The following CDC14A variants were observed in gnomAD, a reference collection of about 807,000 sequenced individuals.
CDC14A encodes dual specificity protein phosphatase CDC14A.
Under a neutral mutation model 74.4 loss-of-function variants are expected in CDC14A, and 53 were observed. The ratio of observed to expected loss-of-function variants is 0.71; its 90% CI spans 0.57 to 0.89. The LOEUF (loss-of-function observed/expected upper bound fraction) is 0.89. Ranked by LOEUF, CDC14A falls within the 40% of genes least tolerant of loss-of-function variation. The pLI, the probability that CDC14A is intolerant of heterozygous loss-of-function variation, is 0.00. For synonymous variants in CDC14A, 247 were observed against 258.4 expected (o/e 0.96, Z 0.43); for missense variants, 646 against 713.7 (o/e 0.91, Z 1.08).
At position 100,352,613 on chromosome 1, in the gene CDC14A, C is replaced by T; in HGVS notation, c.-342C>T. 1 of 1,154,062 alleles carries T rather than the reference C, an allele frequency of 8.7e-7. No individual in the cohort carries two copies. The highest frequency in any genetic ancestry group is 1.1e-6 in the Non-Finnish European group (1 of 935,830). The allele number at this position is 1,154,062 out of a possible 1,614,324, so 71.5% of individuals were successfully genotyped here. ...TCCTCCTCCATGATCACTTTGGAAG[C>T]CGGGGGAAGACTTTGCCCTGCCCTG... On this transcript the variant is annotated 5_prime_UTR_variant, in exon 1 of 16. Transcript: ENST00000336454.
intron 1 of CDC14A, among the ~76,000 whole-genome samples, chr1:100,346,720 GT>G (rs1440073521): frequency 6.6e-6 from 1 of 151,548 alleles, no homozygotes; most frequent in Non-Finnish European, 1.5e-5. Context: ...TTGTTAACTT[GT>G]TTGTTAAGTA....
intron 2 of CDC14A, among the ~76,000 whole-genome samples, chr1:100,361,465 C>T (rs1045188654): frequency 2.0e-5 from 3 of 152,144 alleles, no homozygotes; most frequent in Admixed American, 6.6e-5. Flanking sequence ...GCAAAGAGTA[C>T]ATTTTATGAT....
chr1:100,378,062 A>G (rs1308188008), intron 3 of CDC14A, among the ~76,000 whole-genome samples: 1 of 151,014 alleles, frequency 6.6e-6, no homozygotes, highest in African/African-American at 2.5e-5. Flanking sequence ...ATGTTTCTTA[A>G]ATGTTCTGTG....
intron 5 of CDC14A, among the ~76,000 whole-genome samples, chr1:100,437,254 C>T (rs1664449805): frequency 6.6e-6 from 1 of 152,302 alleles, no homozygotes; most frequent in South Asian, 2.1e-4. Context: ...TCTTTATCTT[C>T]TCTCTTTCTC....
intron 3 of CDC14A, among the ~76,000 whole-genome samples, chr1:100,380,693 G>A (rs57403634): frequency 0.089 from 13,607 of 152,186 alleles, 2,107 homozygotes; most frequent in African/African-American, 0.31. Context: ...AAGGTCTTGG[G>A]TACTTTGCTT....
At position 100,360,152 on chromosome 1, in the gene CDC14A, A is replaced by G. The variant is rs74785242; in HGVS notation, c.140+6300A>G. Among the ~76,000 whole-genome samples, 1,181 of 140,870 alleles carry G rather than the reference A, an allele frequency of 8.4e-3. 16 individuals are homozygous for G. Among genetic ancestry groups the G allele is most frequent in the African/African-American group, 0.03 (1,140 of 37,824 alleles). The allele number at this position is 140,870 out of a possible 152,430, so 92.4% of individuals were successfully genotyped here. A position where few individuals can be genotyped will look rare whatever the true frequency, so the allele number is the denominator to read the frequency against. On this transcript the variant is annotated intron_variant, in intron 2 of 15. Coordinates refer to ENST00000336454, the MANE Select transcript of CDC14A (RefSeq NM_003672.4). The stretch of plus-strand genomic sequence containing the variant: ...GTATTTTTAGTAGAGACGAGGTTTC[A>G]CCATGTTGGCCGGGTGGTCTTGATC...
At chr1:100,414,866 AT>A (rs1458570894) in intron 4 of CDC14A, among the ~76,000 whole-genome samples, 5 of 152,154 alleles carry the variant, frequency 3.3e-5, no homozygotes, top group Non-Finnish European at 5.9e-5. Flanking sequence ...CCTTTCCCCC[AT>A]TAACGTGTCC....
intron 4 of CDC14A, among the ~76,000 whole-genome samples, chr1:100,397,274 A>G (rs1658640199): frequency 6.6e-6 from 1 of 152,194 alleles, no homozygotes; most frequent in Non-Finnish European, 1.5e-5. Context: ...CTAGTAGAGC[A>G]TCTCTTCACC....
At chr1:100,437,022 C>T (rs1238302737) in intron 5 of CDC14A, among the ~76,000 whole-genome samples, 11 of 152,006 alleles carry the variant, frequency 7.2e-5, no homozygotes, top group Admixed American at 6.6e-4. Context: ...CCTGGCTCTA[C>T]GAAAAATATA....
chr1:100,394,675 G>A (rs1658218888), intron 4 of CDC14A, among the ~76,000 whole-genome samples: 1 of 152,202 alleles, frequency 6.6e-6, no homozygotes, highest in African/African-American at 2.4e-5. Flanking sequence ...TTACAGTCTT[G>A]AGAAGCAGTG....
At chr1:100,416,810 C>T (rs779237693) in intron 4 of CDC14A, among the ~76,000 whole-genome samples, 1 of 152,146 alleles carries the variant, frequency 6.6e-6, no homozygotes, top group South Asian at 2.1e-4. Context: ...GACAAACAAC[C>T]TTATGTGATA....
At chr1:100,444,388 A>T (rs1665301201) in intron 7 of CDC14A, among the ~76,000 whole-genome samples, 1 of 152,054 alleles carries the variant, frequency 6.6e-6, no homozygotes, top group African/African-American at 2.4e-5. Context: ...TAGAGTTCTC[A>T]TCTTGCTTGT....
rs765303977 is a variant in CDC14A at position 100,498,152 on chromosome 1, GCAACGGCCAAGAGGAT to G, written c.1371_1386del (p.Ala458GlufsTer10). The G allele has an allele frequency of 1.8e-5, 29 of 1,614,004 alleles. No individual in the cohort carries two copies. Among genetic ancestry groups the G allele is most frequent in the Admixed American group, 1.0e-4 (6 of 59,990 alleles). On this transcript the variant is annotated frameshift_variant, in exon 14 of 16. Coordinates refer to ENST00000336454, the MANE Select transcript of CDC14A (RefSeq NM_003672.4). LOFTEE classifies it high-confidence loss of function. ...ATCAAAAATGGCACTGTCCCCTTCA[GCAACGGCCAAGAGGAT>G]CAACAGAACTTCTTTGTCTTCGGGT...
chr1:100,464,458 A>G (rs373591684), intron 9 of CDC14A, among the ~76,000 whole-genome samples: 5 of 152,182 alleles, frequency 3.3e-5, no homozygotes, highest in Admixed American at 2.6e-4. Context: ...CATTTTGTTC[A>G]GTATTGCCCA....
intron 15 of CDC14A, among the ~76,000 whole-genome samples, chr1:100,515,950 T>G (rs1355669612): frequency 1.3e-5 from 2 of 152,198 alleles, no homozygotes; most frequent in African/African-American, 2.4e-5. Context: ...AGAAGGTCAA[T>G]TCGTTGGCCA....
In CDC14A at chr1:100,398,271, C is replaced by A. The variant is rs573924973; in HGVS notation, c.309+7447C>A. On this transcript the variant is annotated intron_variant, in intron 4 of 15. Coordinates refer to ENST00000336454, the MANE Select transcript of CDC14A (RefSeq NM_003672.4). ...CCACAAAGTTTTCTGACCCAGTCTCCTACTTCCTATCACTCACTTTTGTGC... is the reference window on the plus strand; with the variant it reads ...CCACAAAGTTTTCTGACCCAGTCTCATACTTCCTATCACTCACTTTTGTGC... Among the ~76,000 whole-genome samples the A allele has an allele frequency of 2.6e-5, 4 of 152,268 alleles. No individual in the cohort carries two copies. In the East Asian group the frequency reaches 7.7e-4, roughly 29 times the overall value.
At chr1:100,363,638 A>G (rs1188105841) in intron 2 of CDC14A, among the ~76,000 whole-genome samples, 2 of 150,294 alleles carry the variant, frequency 1.3e-5, no homozygotes, top group Non-Finnish European at 1.5e-5. Context: ...ATAAAATTTA[A>G]TTTTCTTTTG....
At chr1:100,365,221 A>G (rs1380778126) in intron 2 of CDC14A, among the ~76,000 whole-genome samples, 2 of 152,276 alleles carry the variant, frequency 1.3e-5, no homozygotes, top group East Asian at 3.8e-4. Flanking sequence ...TGCAGAAAAC[A>G]GTGAATTTCA....
intron 5 of CDC14A, among the ~76,000 whole-genome samples, chr1:100,429,229 A>ATAAG (rs1663332238): frequency 6.7e-6 from 1 of 150,020 alleles, no homozygotes; most frequent in African/African-American, 2.5e-5. Flanking sequence ...AAATAAATAA[A>ATAAG]TAAATATAAA....
Sources: gnomAD v4.1 joint callset for allele counts (sites outside exome capture counted in the v4.1 genomes callset) on GRCh38, gnomAD v4.1.1 for gene constraint, MANE v1.5 for transcripts, NCBI Gene and HGNC (gene_info 2026-07-23, HGNC 2026-07-21) for gene names.